Variants in TRAPPC9 observed in about 807,000 individuals in gnomAD.
TRAPPC9 encodes the protein trafficking protein particle complex subunit 9, also known as IKK2 binding protein.
In TRAPPC9, 83 loss-of-function variants were observed where a neutral mutation model predicts 124.0. That is an observed-to-expected ratio of 0.67 (90% CI 0.56 to 0.80). TRAPPC9 has a LOEUF of 0.80. TRAPPC9 is among the 30% of genes least tolerant of loss of function. The pLI is 0.00. For missense variants in TRAPPC9, 1,302 were observed against 1,508.3 expected, an observed-to-expected ratio of 0.86 and a Z score of 2.27; for synonymous variants, 638 against 617.5, an observed-to-expected ratio of 1.03 and a Z score of -0.49.
chr8:139,967,514 G>A (rs1379475977), intron 19 of TRAPPC9, among the ~76,000 whole-genome samples: 1 of 152,216 alleles, frequency 6.6e-6, no homozygotes, highest in East Asian at 1.9e-4. Flanking sequence ...GATGAAGACA[G>A]GATTCCTGCC....
chr8:140,420,701 A>G (rs1015018294), intron 5 of TRAPPC9, among the ~76,000 whole-genome samples: 2 of 152,200 alleles, frequency 1.3e-5, no homozygotes, highest in Non-Finnish European at 2.9e-5. Context: ...CTGCTTAAAA[A>G]AATGTATAAA....
chr8:140,283,266 A>G (rs896967025), intron 14 of TRAPPC9, among the ~76,000 whole-genome samples: 2 of 147,990 alleles, frequency 1.4e-5, no homozygotes, highest in African/African-American at 5.0e-5. Context: ...TTAAAATATA[A>G]TATAATATAA....
rs1406580617 is a variant in TRAPPC9, at chr8:140,309,931, C to T, written c.1622+1317G>A. ...TGGATGCTGCCCCTTGCAGCTCTGC[C>T]TGATGAACAATCTCAGCAGTGCTCT... is the stretch of plus-strand genomic sequence containing the variant. On this transcript the variant is annotated intron_variant, in intron 10 of 22. Transcript: ENST00000438773. 3.3e-5 allele frequency among the ~76,000 whole-genome samples: 5 copies of T among 152,374 alleles called. No individual in the cohort carries two copies. The East Asian group carries it at 9.6e-4, about 29-fold the overall frequency.
chr8:139,865,903 G>A (rs1379695317), intron 21 of TRAPPC9, among the ~76,000 whole-genome samples: 1 of 152,194 alleles, frequency 6.6e-6, no homozygotes, highest in Non-Finnish European at 1.5e-5. Flanking sequence ...CGAGGTGGTC[G>A]GGGTGCAGCT....
At chr8:140,384,387 C>T (rs2068697575) in intron 7 of TRAPPC9, among the ~76,000 whole-genome samples, 1 of 152,090 alleles carries the variant, frequency 6.6e-6, no homozygotes, top group South Asian at 2.1e-4. Flanking sequence ...AGAGTCAAGA[C>T]CCATCAGTGT....
intron 9 of TRAPPC9, among the ~76,000 whole-genome samples, chr8:140,345,034 C>A (rs913135010): frequency 6.6e-6 from 1 of 152,210 alleles, no homozygotes; most frequent in African/African-American, 2.4e-5. Context: ...GGGCACCCTG[C>A]GCCCTGTGCT....
intron 5 of TRAPPC9, among the ~76,000 whole-genome samples, chr8:140,419,448 A>AAAAAAAAAC (rs1554683879): frequency 3.9e-4 from 37 of 94,718 alleles, no homozygotes; most frequent in Non-Finnish European, 6.5e-4. Flanking sequence ...AAAAAAAAAA[A>AAAAAAAAAC]AAAACAAAAC....
At chr8:140,198,161 G>A (rs961045403) in intron 17 of TRAPPC9, among the ~76,000 whole-genome samples, 1 of 152,168 alleles carries the variant, frequency 6.6e-6, no homozygotes, top group Admixed American at 6.5e-5. Flanking sequence ...TAACCTCCAA[G>A]CTGTCCTTGT....
chr8:140,242,522 C>T (rs540062405), intron 16 of TRAPPC9, among the ~76,000 whole-genome samples: 11 of 152,198 alleles, frequency 7.2e-5, no homozygotes, highest in Non-Finnish European at 1.0e-4. Context: ...AAGGTGAGCC[C>T]GTCTGGAGAG....
chr8:140,090,689 T>C (rs1844510316), intron 17 of TRAPPC9, among the ~76,000 whole-genome samples: 1 of 152,236 alleles, frequency 6.6e-6, no homozygotes, highest in South Asian at 2.1e-4. Context: ...TACCCATCCC[T>C]GCTTTCAGAA....
At chr8:140,148,545 T>G (rs1250310672) in intron 17 of TRAPPC9, among the ~76,000 whole-genome samples, 1 of 152,184 alleles carries the variant, frequency 6.6e-6, no homozygotes, top group Admixed American at 6.5e-5. Context: ...TAGTCCACAT[T>G]GAAGCTCAGG....
At chr8:140,303,078 C>G (rs969508100) in intron 10 of TRAPPC9, among the ~76,000 whole-genome samples, 32 of 152,138 alleles carry the variant, frequency 2.1e-4, no homozygotes, top group South Asian at 2.1e-4. Context: ...ATTTGGGCCT[C>G]TAAACACCTC....
intron 21 of TRAPPC9, among the ~76,000 whole-genome samples, chr8:139,802,638 G>A (rs914486893): frequency 2.6e-5 from 4 of 152,348 alleles, no homozygotes; most frequent in African/African-American, 7.2e-5. Flanking sequence ...TGTTAGTCCA[G>A]TAGTGCAAAG....
chr8:140,303,701 A>G (rs1422080165), intron 10 of TRAPPC9, among the ~76,000 whole-genome samples: 1 of 152,230 alleles, frequency 6.6e-6, no homozygotes, highest in Non-Finnish European at 1.5e-5. Flanking sequence ...ATAGGGATGT[A>G]TTTTGGCTCC....
At position 140,451,034 on chromosome 8, in the gene TRAPPC9, G is replaced by C. The variant is rs146609080; in HGVS notation, c.340C>G (p.Arg114Gly). Residue 114 changes from arginine to glycine, a missense_variant, in exon 2 of 23, where the codon CGG (arginine) becomes GGG (glycine). Coordinates refer to ENST00000438773, the MANE Select transcript of TRAPPC9 (RefSeq NM_001160372.4). ...CCCTGCAGCCCGAAGACAAAGAGCC[G>C]GGAGTCATACAGTGTGGAGCCGTAG... ...EIYGSTLYDS[R>G]LFVFGLQGEI... is the part of the protein sequence containing the mutation. The C allele has an allele frequency of 6.2e-7, 1 of 1,614,092 alleles. No homozygotes were observed. The highest frequency in any genetic ancestry group is 2.2e-5 in the East Asian group (1 of 44,882).
chr8:139,957,469 A>T (rs1047845716), intron 19 of TRAPPC9, among the ~76,000 whole-genome samples: 2 of 152,226 alleles, frequency 1.3e-5, no homozygotes, highest in African/African-American at 2.4e-5. Context: ...GAGACCTGTC[A>T]CAAGTTGACT....
intron 9 of TRAPPC9, among the ~76,000 whole-genome samples, chr8:140,351,960 A>G (rs1208443630): frequency 2.0e-5 from 3 of 152,230 alleles, no homozygotes; most frequent in Non-Finnish European, 4.4e-5. Flanking sequence ...TGCAACAACC[A>G]CCACAATGTA....
intron 20 of TRAPPC9, among the ~76,000 whole-genome samples, chr8:139,888,626 A>G (rs1830157601): frequency 3.9e-5 from 6 of 152,188 alleles, no homozygotes; most frequent in Admixed American, 3.9e-4. Flanking sequence ...CTCTCGCGCA[A>G]GCAATTTATC....
At chr8:140,295,800 G>A (rs1460976616) in intron 11 of TRAPPC9, among the ~76,000 whole-genome samples, 1 of 152,204 alleles carries the variant, frequency 6.6e-6, no homozygotes, top group Non-Finnish European at 1.5e-5. Flanking sequence ...TATGTGATCT[G>A]TCAAGCTTCT....
Sources: gnomAD v4.1 joint callset for allele counts (sites outside exome capture counted in the v4.1 genomes callset) on GRCh38, gnomAD v4.1.1 for gene constraint, MANE v1.5 for transcripts, NCBI Gene and HGNC (gene_info 2026-07-23, HGNC 2026-07-21) for gene names.